Variants in CXADR observed in about 807,000 individuals in gnomAD.
CXADR encodes the protein coxsackievirus and adenovirus receptor.
A neutral mutation model predicts 40.3 loss-of-function variants in CXADR; 20 were observed. The observed-to-expected ratio is 0.50, with a 90% CI of 0.35 to 0.72. The LOEUF (loss-of-function observed/expected upper bound fraction) is 0.72. Ranked by LOEUF, CXADR falls within the 30% of genes least tolerant of loss-of-function variation. The probability of loss-of-function intolerance (pLI) is 0.01; values close to 1 mark genes in which losing one functional copy is unlikely to be tolerated. For synonymous variants in CXADR, 150 were observed against 161.3 expected, an observed-to-expected ratio of 0.93 and a Z score of 0.53; for missense variants, 332 against 449.1, an observed-to-expected ratio of 0.74 and a Z score of 2.36.
the CXADR span, chr21:17,608,684 A>G: frequency 3.2e-6 from 1 of 314,776 alleles, no homozygotes; most frequent in Non-Finnish European, 5.7e-6. Context: ...ATCCCTAAGT[A>G]TTTGTGATAA....
the CXADR span, among the ~76,000 whole-genome samples, chr21:17,629,387 C>CAAAAA: frequency 1.2e-5 from 1 of 80,584 alleles, no homozygotes; most frequent in Non-Finnish European, 2.6e-5. Context: ...GACTGTGTCT[C>CAAAAA]AAAAAAAAAA....
intron 1 of CXADR, among the ~76,000 whole-genome samples, chr21:17,522,599 A>G (rs927298654): frequency 6.6e-6 from 1 of 152,160 alleles, no homozygotes; most frequent in Non-Finnish European, 1.5e-5. Context: ...TGTAGATTGC[A>G]GTTGACACTG....
At chr21:17,540,051 C>T (rs907519071) in intron 1 of CXADR, among the ~76,000 whole-genome samples, 4 of 152,130 alleles carry the variant, frequency 2.6e-5, no homozygotes, top group African/African-American at 9.7e-5. Flanking sequence ...ATTAAGATGC[C>T]AGCAAGTTTG....
At chr21:17,591,048 G>A (rs2061431320) in intron 7 of CXADR, among the ~76,000 whole-genome samples, 1 of 151,734 alleles carries the variant, frequency 6.6e-6, no homozygotes, top group South Asian at 2.1e-4. Context: ...CCTTCGCACT[G>A]GTTCCTTTTT....
At position 17,569,891 on chromosome 21, in the gene CXADR, A is replaced by T; in HGVS notation, c.*4199A>T. On this transcript the variant is annotated 3_prime_UTR_variant, in exon 7 of 7. Transcript: ENST00000284878. ...AATTGTGAATTTTAGTGATAAATAC[A>T]CCTGTACTACTGAGGAAAATATTCT... The T allele has an allele frequency of 6.1e-6, 6 of 985,290 alleles. No homozygotes were observed. The highest frequency in any genetic ancestry group is 7.2e-6 in the Non-Finnish European group (6 of 829,812). 61.0% of individuals were successfully genotyped at this position (985,290 alleles called of 1,614,324 possible).
In CXADR at chr21:17,567,778, T is replaced by A; in HGVS notation, c.*2086T>A. The A allele has an allele frequency of 1.1e-6, 1 of 909,742 alleles. No homozygotes were observed. Among genetic ancestry groups the A allele is most frequent in the South Asian group, 5.1e-5 (1 of 19,712 alleles). The allele number at this position is 909,742 out of a possible 1,614,324, so 56.4% of individuals were successfully genotyped here. On this transcript the variant is annotated 3_prime_UTR_variant, in exon 7 of 7. Transcript: ENST00000284878. The stretch of plus-strand genomic sequence containing the variant: ...ATAATAAAGTTTTGGTTCTTCCTAT[T>A]CCTGACTTTCATATAATGAAAATTA...
At chr21:17,602,130 G>A in the CXADR span, among the ~76,000 whole-genome samples, 50 of 151,714 alleles carry the variant, frequency 3.3e-4, no homozygotes, top group African/African-American at 1.2e-3. Context: ...ACACTCTATT[G>A]GGGGAAAAAA....
downstream of CXADR, among the ~76,000 whole-genome samples, chr21:17,598,456 T>C (rs867135621): frequency 6.6e-6 from 1 of 152,174 alleles, no homozygotes; most frequent in Non-Finnish European, 1.5e-5. Flanking sequence ...AGGATGCCTA[T>C]TTACGTGCCA....
the CXADR span, chr21:17,626,960 GA>G: frequency 6.6e-6 from 1 of 152,200 alleles, no homozygotes; most frequent in Non-Finnish European, 1.5e-5. Context: ...CGGTGGTATT[GA>G]AAGAGACAAG....
chr21:17,585,001 T>C (rs1030689129), intron 7 of CXADR, among the ~76,000 whole-genome samples: 1 of 152,248 alleles, frequency 6.6e-6, no homozygotes, highest in African/African-American at 2.4e-5. Context: ...AAAAACAATG[T>C]TTGTTTTTTT....
chr21:17,618,556 G>C, the CXADR span, among the ~76,000 whole-genome samples: 2 of 151,866 alleles, frequency 1.3e-5, no homozygotes, highest in Admixed American at 1.3e-4. Flanking sequence ...TTTGGAGGCG[G>C]GGATGGAATC....
Position 17,593,263 on chromosome 21 carries a change from A to AAT in CXADR, c.*71_*72dup, listed in dbSNP as rs2123415431. ...ATTTTAGGCCTCTAGTAAAGACTTA[A>AAT]ATGTTTTTTAAAAAAAGCACAAGGC... On this transcript the variant is annotated 3_prime_UTR_variant, in exon 8 of 8. Coordinates refer to the CXADR transcript ENST00000400169. The AAT allele has an allele frequency of 2.3e-6, 3 of 1,282,660 alleles. No individual in the cohort carries two copies. In the East Asian group the frequency reaches 8.9e-5, roughly 38 times the overall value. The allele number at this position is 1,282,660 out of a possible 1,614,324, so 79.5% of individuals were successfully genotyped here. A position where few individuals can be genotyped will look rare whatever the true frequency, so the allele number is the denominator to read the frequency against.
At position 17,592,982 on chromosome 21, in the gene CXADR, T is replaced by C. The variant is rs2824385; in HGVS notation, c.1018-170T>C. Reference sequence around the variant, plus strand: ...TAATTTGTGGAATAGCCATGGCCATTCAATGATTTATTAGCAAGTTGTGAT... The same window carrying C: ...TAATTTGTGGAATAGCCATGGCCATCCAATGATTTATTAGCAAGTTGTGAT... On this transcript the variant is annotated intron_variant, in intron 7 of 7. Coordinates refer to the CXADR transcript ENST00000400169. Among the ~76,000 whole-genome samples the C allele has an allele frequency of 6.3e-3, 965 of 152,056 alleles. 58 individuals carry two copies. In the East Asian group the frequency reaches 0.13, roughly 21 times the overall value.
At chr21:17,541,155 C>T (rs536439629) in intron 1 of CXADR, among the ~76,000 whole-genome samples, 62 of 152,156 alleles carry the variant, frequency 4.1e-4, no homozygotes, top group Middle Eastern at 3.4e-3. Context: ...CCATAGTTTA[C>T]ATCGGGGTTC....
chr21:17,592,486 CAATA>C (rs1214332575), intron 7 of CXADR, among the ~76,000 whole-genome samples: 12 of 151,870 alleles, frequency 7.9e-5, no homozygotes, highest in South Asian at 2.1e-4. Flanking sequence ...ATAAGCAAAG[CAATA>C]AATAAATTCT....
At chr21:17,612,455 C>T in the CXADR span, 1 of 152,104 alleles carries the variant, frequency 6.6e-6, no homozygotes, top group East Asian at 1.9e-4. Context: ...GAGGCGGCGT[C>T]TTTTTCCTCA....
At position 17,567,814 on chromosome 21, in the gene CXADR, C is replaced by G. The variant is rs1408608951; in HGVS notation, c.*2122C>G. On this transcript the variant is annotated 3_prime_UTR_variant, in exon 7 of 7. Coordinates refer to ENST00000284878, the MANE Select transcript of CXADR (RefSeq NM_001338.5). Reference sequence around the variant, plus strand: ...ATATAATGAAAATTATCCTATTGATCTAAGTAGAAGTTATCATAGAAAGTG... The same window carrying G: ...ATATAATGAAAATTATCCTATTGATGTAAGTAGAAGTTATCATAGAAAGTG... 2 of 951,590 alleles carry G rather than the reference C, an allele frequency of 2.1e-6. No homozygotes were observed. The highest frequency in any genetic ancestry group is 3.5e-5 in the African/African-American group (2 of 56,418). 58.9% of individuals were successfully genotyped at this position (951,590 alleles called of 1,614,324 possible).
chr21:17,632,455 T>A, the CXADR span, among the ~76,000 whole-genome samples: 1 of 152,220 alleles, frequency 6.6e-6, no homozygotes, highest in South Asian at 2.1e-4. Context: ...AACAGTTGCA[T>A]ATTGATGTGG....
chr21:17,557,414 G>T (rs1290052143), intron 3 of CXADR, among the ~76,000 whole-genome samples: 1 of 152,140 alleles, frequency 6.6e-6, no homozygotes, highest in African/African-American at 2.4e-5. Flanking sequence ...ACAGCTGATG[G>T]CTACTTCCTT....
Sources: allele counts gnomAD v4.1 joint callset (sites outside exome capture counted in the v4.1 genomes callset), GRCh38; gene constraint gnomAD v4.1.1; transcripts MANE v1.5; gene names NCBI Gene and HGNC (gene_info 2026-07-23, HGNC 2026-07-21).